Variants in PTPRA observed in about 807,000 individuals in gnomAD.
PTPRA encodes protein tyrosine phosphatase receptor type A.
In PTPRA, 25 loss-of-function variants were observed where a neutral mutation model predicts 104.8. That is an observed-to-expected ratio of 0.24 (90% CI 0.17 to 0.33). The LOEUF (loss-of-function observed/expected upper bound fraction) is 0.33, where lower values mean the gene tolerates loss of function less well. Among genes scored for constraint, PTPRA ranks in the 10% least tolerant of loss-of-function variants. PTPRA has a pLI of 1.00. For missense variants in PTPRA, 765 were observed against 1,015.3 expected (o/e 0.75, Z 3.35); for synonymous variants, 323 against 368.9 (o/e 0.88, Z 1.43).
intron 2 of PTPRA, among the ~76,000 whole-genome samples, chr20:2,945,163 G>C (rs1326627896): frequency 6.6e-6 from 1 of 151,872 alleles, no homozygotes; most frequent in Non-Finnish European, 1.5e-5. Flanking sequence ...TATCCATTAA[G>C]ATCTTTTTTT....
intron 1 of PTPRA, among the ~76,000 whole-genome samples, chr20:2,918,185 A>G (rs2059977246): frequency 1.3e-5 from 2 of 151,536 alleles, no homozygotes; most frequent in African/African-American, 4.8e-5. Flanking sequence ...CTTTGTACGT[A>G]TTCTCTTTTC....
chr20:2,923,756 A>G (rs1013153379), intron 2 of PTPRA, among the ~76,000 whole-genome samples: 8 of 152,094 alleles, frequency 5.3e-5, no homozygotes, highest in Middle Eastern at 3.2e-3. Flanking sequence ...CTGAGATCGC[A>G]CACTGCATTC....
chr20:2,969,806 AAAT>A (rs2062103548), intron 5 of PTPRA, among the ~76,000 whole-genome samples: 2 of 151,686 alleles, frequency 1.3e-5, no homozygotes, highest in South Asian at 4.2e-4. Flanking sequence ...CTCTACTAAA[AAAT>A]ACAAAAAAAA....
chr20:3,010,195 G>C (rs1057020131), intron 11 of PTPRA, among the ~76,000 whole-genome samples: 2 of 151,870 alleles, frequency 1.3e-5, no homozygotes, highest in Non-Finnish European at 2.9e-5. Flanking sequence ...ATGGAGACCA[G>C]TTCTTGAGTT....
At chr20:2,882,419 A>T (rs2090112640) in intron 1 of PTPRA, among the ~76,000 whole-genome samples, 1 of 151,544 alleles carries the variant, frequency 6.6e-6, no homozygotes, top group Non-Finnish European at 1.5e-5. Context: ...CCTCTCAAGT[A>T]GCCAGGACCA....
intron 1 of PTPRA, among the ~76,000 whole-genome samples, chr20:2,874,032 G>C (rs1055670918): frequency 3.3e-5 from 5 of 152,212 alleles, no homozygotes; most frequent in African/African-American, 1.2e-4. Flanking sequence ...GACCAGGCCA[G>C]GGCACTGCCA....
chr20:2,868,427 G>T (rs2146695073), upstream of PTPRA, among the ~76,000 whole-genome samples: 1 of 146,770 alleles, frequency 6.8e-6, no homozygotes. Context: ...GCATCTCAAA[G>T]TGCTGGGGTT....
intron 1 of PTPRA, among the ~76,000 whole-genome samples, chr20:2,893,114 T>G (rs1330389812): frequency 6.6e-6 from 1 of 152,256 alleles, no homozygotes; most frequent in Non-Finnish European, 1.5e-5. Context: ...GTTGTATTAG[T>G]TTGTTTCTCA....
chr20:2,886,620 G>A (rs1258414817), intron 1 of PTPRA, among the ~76,000 whole-genome samples: 4 of 151,496 alleles, frequency 2.6e-5, no homozygotes, highest in African/African-American at 2.4e-5. Flanking sequence ...CGAGGCGGGC[G>A]GATCACCTGA....
intron 6 of PTPRA, among the ~76,000 whole-genome samples, chr20:2,979,689 G>A (rs1008097760): frequency 1.4e-5 from 2 of 144,320 alleles, no homozygotes; most frequent in Non-Finnish European, 2.9e-5. Flanking sequence ...ACCATGCCCA[G>A]CTAATCAGGT....
chr20:2,878,701 A>T (rs1332488487), intron 1 of PTPRA, among the ~76,000 whole-genome samples: 1 of 152,218 alleles, frequency 6.6e-6, no homozygotes, highest in Non-Finnish European at 1.5e-5. Flanking sequence ...GAAAGGTTGA[A>T]CTAGTTTCCA....
intron 1 of PTPRA, among the ~76,000 whole-genome samples, chr20:2,895,846 T>C (rs1322491313): frequency 1.3e-5 from 2 of 152,150 alleles, no homozygotes; most frequent in East Asian, 3.9e-4. Context: ...CAATTTTTAA[T>C]GTTCAGCACA....
At chr20:2,872,185 C>T (rs1363294545), upstream of PTPRA, among the ~76,000 whole-genome samples, 5 of 151,988 alleles carry the variant, frequency 3.3e-5, no homozygotes, top group East Asian at 9.9e-4. This position sits in a 1 kb window ranked among gnomAD's most constrained non-coding sequence, Gnocchi z 7.9. Context: ...GGCGCCCCAA[C>T]AGAAGGCGGT....
chr20:2,968,499 T>TC, intron 5 of PTPRA, among the ~76,000 whole-genome samples: 1 of 126,880 alleles, frequency 7.9e-6, no homozygotes, highest in Admixed American at 7.5e-5. Context: ...CCCTCTTCCT[T>TC]TTTTTTTTTT....
intron 17 of PTPRA, among the ~76,000 whole-genome samples, chr20:3,025,894 G>A (rs1454228060): frequency 1.3e-5 from 2 of 151,416 alleles, no homozygotes; most frequent in Non-Finnish European, 2.9e-5. Context: ...AAAGATATTA[G>A]GTTCTGATTC....
chr20:2,977,602 G>A (rs1021720549), intron 6 of PTPRA, among the ~76,000 whole-genome samples: 5 of 150,900 alleles, frequency 3.3e-5, no homozygotes, highest in East Asian at 3.9e-4. Context: ...CCAAGATTGC[G>A]TGACTGTACT....
At position 2,873,543 on chromosome 20, in the gene PTPRA, C is replaced by T. The variant is rs978325507; in HGVS notation, c.-346C>T. 6.6e-6 allele frequency: 1 copy of T among 151,608 alleles called. No individual in the cohort carries two copies. Among genetic ancestry groups the T allele is most frequent in the African/African-American group, 2.4e-5 (1 of 41,394 alleles). 9.4% of individuals were successfully genotyped at this position (151,608 alleles called of 1,614,324 possible). A position where few individuals can be genotyped will look rare whatever the true frequency, so the allele number is the denominator to read the frequency against. ...AGAGACGCGCGCGCGCGCGATCGCGCTCGGACCCCGGCCGCTGCCGCCATC... is the reference window on the plus strand; with the variant it reads ...AGAGACGCGCGCGCGCGCGATCGCGTTCGGACCCCGGCCGCTGCCGCCATC... On this transcript the variant is annotated 5_prime_UTR_variant, in exon 1 of 24. Coordinates refer to ENST00000399903, the MANE Select transcript of PTPRA (RefSeq NM_001385305.1). This position sits in a 1 kb window ranked among gnomAD's most constrained non-coding sequence, Gnocchi z 4.4.
intron 1 of PTPRA, among the ~76,000 whole-genome samples, chr20:2,876,353 G>C (rs1169868583): frequency 6.6e-6 from 1 of 152,162 alleles, no homozygotes. Context: ...CTCCTCCCCA[G>C]AGATGGCTGA....
At chr20:2,964,774 G>C in intron 4 of PTPRA, 87 bp from the exon 5 acceptor site, 1 of 1,212,814 alleles carries the variant, frequency 8.2e-7, no homozygotes, top group Non-Finnish European at 1.2e-6. Context: ...ATGTTTGAGA[G>C]TTTATTAAGG....
Sources: gnomAD v4.1 joint callset for allele counts (sites outside exome capture counted in the v4.1 genomes callset) on GRCh38, gnomAD v4.1.1 for gene constraint, Gnocchi (gnomAD v3.1) non-coding constraint, MANE v1.5 for transcripts, NCBI Gene and HGNC (gene_info 2026-07-23, HGNC 2026-07-21) for gene names.